Variants in TNFRSF10B observed in about 807,000 individuals in gnomAD.
TNFRSF10B encodes TNF receptor superfamily member 10b, also known as tumor necrosis factor receptor superfamily member 10B.
Under a neutral mutation model 41.4 loss-of-function variants are expected in TNFRSF10B, and 35 were observed. The observed-to-expected ratio is 0.85, with a 90% CI of 0.65 to 1.12. The LOEUF (loss-of-function observed/expected upper bound fraction) is 1.12. TNFRSF10B is among the 50% of genes most tolerant of loss of function. The pLI, the probability that TNFRSF10B is intolerant of heterozygous loss-of-function variation, is 0.00. For synonymous variants in TNFRSF10B, 230 were observed against 215.5 expected (o/e 1.07, Z -0.59); for missense variants, 584 against 552.7 (o/e 1.06, Z -0.57).
At chr8:23,027,634 C>A in intron 6 of TNFRSF10B, 88 bp downstream of exon 6, 1 of 1,583,912 alleles carries the variant, frequency 6.3e-7, no homozygotes, top group Admixed American at 1.7e-5. Context: ...GCCATGAGGA[C>A]AATGGGGACC....
In TNFRSF10B at chr8:23,020,718, C is replaced by G. The variant is rs2128810021; in HGVS notation, c.*1953G>C. On this transcript the variant is annotated 3_prime_UTR_variant, in exon 9 of 9. Transcript: ENST00000276431. ...AAAAAATTAAAAATAAAAGAAAAAT[C>G]TTAAACACTGATAAGGCTGACACTC... The G allele has an allele frequency of 2.2e-6, 1 of 453,822 alleles. No homozygotes were observed. Among genetic ancestry groups the G allele is most frequent in the Non-Finnish European group, 4.4e-6 (1 of 226,720 alleles). 28.1% of individuals were successfully genotyped at this position (453,822 alleles called of 1,614,324 possible). A position where few individuals can be genotyped will look rare whatever the true frequency, so the allele number is the denominator to read the frequency against.
chr8:23,065,788 T>G (rs1243650605), intron 1 of TNFRSF10B, among the ~76,000 whole-genome samples: 1 of 150,780 alleles, frequency 6.6e-6, no homozygotes, highest in East Asian at 1.9e-4. Context: ...AAAGCAAAAT[T>G]CACAATGTCA....
intron 1 of TNFRSF10B, among the ~76,000 whole-genome samples, chr8:23,067,331 C>G (rs145678795): frequency 2.6e-5 from 4 of 152,156 alleles, no homozygotes; most frequent in African/African-American, 4.8e-5. Flanking sequence ...CTCTAAAACC[C>G]CAAATCCAAG....
chr8:23,048,521 A>AGAT (rs1812431516), intron 1 of TNFRSF10B, among the ~76,000 whole-genome samples: 1 of 151,538 alleles, frequency 6.6e-6, no homozygotes, highest in African/African-American at 2.4e-5. Context: ...GGGAATGGGG[A>AGAT]GATGATAATC....
chr8:23,025,068 T>C (rs1046631686), intron 7 of TNFRSF10B, among the ~76,000 whole-genome samples: 1 of 152,214 alleles, frequency 6.6e-6, no homozygotes, highest in Non-Finnish European at 1.5e-5. Flanking sequence ...CCGAGCTTAC[T>C]TGGCCTTAGA....
chr8:23,027,641 G>A (rs1105945), intron 6 of TNFRSF10B, 81 bp downstream of exon 6: 981,219 of 1,597,398 alleles, frequency 0.61, 303,630 homozygotes, highest in East Asian at 0.63. Context: ...GGACAATGGG[G>A]ACCCACCCAC....
At chr8:23,060,875 A>G (rs374850180) in intron 1 of TNFRSF10B, among the ~76,000 whole-genome samples, 1 of 151,976 alleles carries the variant, frequency 6.6e-6, no homozygotes, top group East Asian at 1.9e-4. Flanking sequence ...CTATTTTATT[A>G]TTTTTGATAC....
chr8:23,043,622 TCACACAGACATA>T (rs1013830230), intron 1 of TNFRSF10B, among the ~76,000 whole-genome samples: 39 of 152,202 alleles, frequency 2.6e-4, no homozygotes, highest in African/African-American at 9.4e-4. Context: ...TTATTCTCTC[TCACACAGACATA>T]CACACAGACA....
chr8:23,033,169 T>C (rs1035952628), intron 2 of TNFRSF10B, among the ~76,000 whole-genome samples: 1 of 152,204 alleles, frequency 6.6e-6, no homozygotes, highest in African/African-American at 2.4e-5. Flanking sequence ...AAGACCTTCT[T>C]AGATAAATGA....
chr8:23,036,145 A>G (rs943869881), intron 2 of TNFRSF10B, among the ~76,000 whole-genome samples: 22 of 152,200 alleles, frequency 1.4e-4, no homozygotes, highest in Admixed American at 1.1e-3. Flanking sequence ...CTTAGTGCAG[A>G]CTGAATGGTT....
At chr8:23,033,969 C>G (rs2128813132) in intron 2 of TNFRSF10B, among the ~76,000 whole-genome samples, 1 of 152,268 alleles carries the variant, frequency 6.6e-6, no homozygotes, top group Non-Finnish European at 1.5e-5. Flanking sequence ...GATGGTAATG[C>G]TTCAACATAT....
At chr8:23,028,715 G>C in intron 4 of TNFRSF10B, 113 bp from the exon 5 acceptor site, 1 of 1,363,024 alleles carries the variant, frequency 7.3e-7, no homozygotes, top group Non-Finnish European at 1.0e-6. Flanking sequence ...TCAGGGGAAG[G>C]ACAGTCTCCT....
rs1246642112 is a variant in TNFRSF10B, at chr8:23,022,404, C to A, written c.*267G>T. ...AAGTGCTGTGAAAACAATGACATCCCAAACCAAATCTCAAAGTACGCACAA... is the reference window on the plus strand; with the variant it reads ...AAGTGCTGTGAAAACAATGACATCCAAAACCAAATCTCAAAGTACGCACAA... On this transcript the variant is annotated 3_prime_UTR_variant, in exon 9 of 9. Transcript: ENST00000276431. The A allele has an allele frequency of 3.3e-6, 2 of 603,672 alleles. No individual in the cohort carries two copies. The highest frequency in any genetic ancestry group is 6.2e-6 in the Non-Finnish European group (2 of 324,550). 37.4% of individuals were successfully genotyped at this position (603,672 alleles called of 1,614,324 possible). A position where few individuals can be genotyped will look rare whatever the true frequency, so the allele number is the denominator to read the frequency against.
intron 8 of TNFRSF10B, among the ~76,000 whole-genome samples, 177 bp from the exon 9 acceptor site, chr8:23,023,161 C>CCT (rs1275362573): frequency 6.6e-6 from 1 of 150,628 alleles, no homozygotes; most frequent in African/African-American, 2.4e-5. Context: ...CACTGCCTGG[C>CCT]CTCCCCCACA....
intron 1 of TNFRSF10B, among the ~76,000 whole-genome samples, chr8:23,067,266 C>T (rs922291250): frequency 4.6e-5 from 7 of 152,052 alleles, no homozygotes; most frequent in South Asian, 2.1e-4. Flanking sequence ...GCATGAGCTA[C>T]CAGACCCGGC....
chr8:23,027,609 C>T (rs1811743295), intron 6 of TNFRSF10B, 113 bp downstream of exon 6: 3 of 1,481,996 alleles, frequency 2.0e-6, no homozygotes, highest in African/African-American at 1.4e-5. Context: ...CAGGCCACTT[C>T]AGAGAGTCAG....
chr8:23,065,202 C>T (rs1812948104), intron 1 of TNFRSF10B, among the ~76,000 whole-genome samples: 1 of 152,190 alleles, frequency 6.6e-6, no homozygotes, highest in African/African-American at 2.4e-5. Flanking sequence ...AAGGGTTCCT[C>T]CTCTACCTGA....
intron 1 of TNFRSF10B, among the ~76,000 whole-genome samples, chr8:23,055,001 A>C (rs1327287654): frequency 6.6e-6 from 1 of 152,182 alleles, no homozygotes; most frequent in African/African-American, 2.4e-5. Flanking sequence ...ATGTTTCAAA[A>C]ATTATAGTTA....
chr8:23,036,176 C>T (rs1298560591), intron 2 of TNFRSF10B, among the ~76,000 whole-genome samples: 1 of 152,242 alleles, frequency 6.6e-6, no homozygotes, highest in Non-Finnish European at 1.5e-5. Flanking sequence ...CACCAAATTA[C>T]TCTACGACCT....
Sources: allele counts gnomAD v4.1 joint callset (sites outside exome capture counted in the v4.1 genomes callset), GRCh38; gene constraint gnomAD v4.1.1; transcripts MANE v1.5; gene names NCBI Gene and HGNC (gene_info 2026-07-23, HGNC 2026-07-21).